FCHO2: variants seen among roughly 807,000 people sequenced by gnomAD.
The protein encoded by FCHO2 is F-BAR domain only protein 2.
FCHO2 carries 43 observed loss-of-function variants against 114.1 expected under a neutral mutation model. The ratio of observed to expected loss-of-function variants is 0.38; its 90% confidence interval spans 0.30 to 0.49. FCHO2 has a LOEUF of 0.49. Ranked by LOEUF, FCHO2 falls within the 20% of genes least tolerant of loss-of-function variation. The pLI is 0.97. For synonymous variants in FCHO2, 293 were observed against 315.2 expected, an observed-to-expected ratio of 0.93 and a Z score of 0.75; for missense variants, 807 against 950.4, an observed-to-expected ratio of 0.85 and a Z score of 1.98.
chr5:72,956,227 C>G (rs1298041411), intron 1 of FCHO2, 98 bp downstream of exon 1: 2 of 1,470,224 alleles, frequency 1.4e-6, no homozygotes, highest in Admixed American at 2.2e-5. Flanking sequence ...GGCGGCCCCT[C>G]CGGCAGGGCG....
intron 9 of FCHO2, among the ~76,000 whole-genome samples, chr5:73,035,627 A>G (rs1210399381): frequency 1.3e-5 from 2 of 152,022 alleles, no homozygotes; most frequent in South Asian, 2.1e-4. Context: ...CTCAGCCCCA[A>G]AATTAGCTGG....
At position 73,039,660 on chromosome 5, in the gene FCHO2, G is replaced by T. The variant is rs80226522; in HGVS notation, c.915-1631G>T. Among the ~76,000 whole-genome samples the T allele has an allele frequency of 2.8e-4, 42 of 151,466 alleles. No homozygotes were observed. In the East Asian group the frequency reaches 4.8e-3, roughly 17 times the overall value. On this transcript the variant is annotated intron_variant, in intron 10 of 25. Coordinates refer to ENST00000430046, the MANE Select transcript of FCHO2 (RefSeq NM_138782.3). Reference sequence around the variant, plus strand: ...GTCACCTGGGGGGCCAGGCCCGGTGGCTCATGCCTGTAAACCCAGCATTTT... The same window carrying T: ...GTCACCTGGGGGGCCAGGCCCGGTGTCTCATGCCTGTAAACCCAGCATTTT...
chr5:73,047,490 A>G (rs1236028944), intron 11 of FCHO2, among the ~76,000 whole-genome samples: 37 of 151,608 alleles, frequency 2.4e-4, no homozygotes, highest in Non-Finnish European at 2.9e-5. Flanking sequence ...TATGTTCTTT[A>G]CTACTTGGCT....
In FCHO2 at chr5:73,090,260, G is replaced by A. The variant is rs547669039; in HGVS notation, c.*2170G>A. 2.8e-4 allele frequency: 42 copies of A among 152,532 alleles called. No individual in the cohort carries two copies. The highest frequency in any genetic ancestry group is 1.0e-3 in the African/African-American group (42 of 41,524). 9.4% of individuals were successfully genotyped at this position (152,532 alleles called of 1,614,324 possible). A position where few individuals can be genotyped will look rare whatever the true frequency, so the allele number is the denominator to read the frequency against. On this transcript the variant is annotated 3_prime_UTR_variant, in exon 26 of 26. Coordinates refer to ENST00000430046, the MANE Select transcript of FCHO2 (RefSeq NM_138782.3). Reference sequence around the variant, plus strand: ...ACTAATGGTGTAAAAGAGACCAGTAGATTTTCAATGGGAAATGTACCTAGC... The same window carrying A: ...ACTAATGGTGTAAAAGAGACCAGTAAATTTTCAATGGGAAATGTACCTAGC...
At chr5:72,996,792 T>C in intron 5 of FCHO2, 1 of 652,740 alleles carries the variant, frequency 1.5e-6, no homozygotes, top group Non-Finnish European at 2.6e-6. Context: ...CATACCCCTC[T>C]CTGCAGCCTC....
rs183702621 is a variant in FCHO2 at position 73,076,154 on chromosome 5, C to T, written c.1692-1184C>T. On this transcript the variant is annotated intron_variant, in intron 20 of 25. Coordinates refer to ENST00000430046, the MANE Select transcript of FCHO2 (RefSeq NM_138782.3). Reference sequence around the variant, plus strand: ...AAGTGAATAAATCATTTCTTGAAGGCAGGTGTGAACCTGTATCTGATGCTG... The same window carrying T: ...AAGTGAATAAATCATTTCTTGAAGGTAGGTGTGAACCTGTATCTGATGCTG... Among the ~76,000 whole-genome samples, 3 of 152,192 alleles carry T rather than the reference C, an allele frequency of 2.0e-5. No individual in the cohort carries two copies. In the East Asian group the frequency reaches 5.8e-4, roughly 30 times the overall value.
At chr5:72,994,564 C>A (rs545167773) in intron 5 of FCHO2, among the ~76,000 whole-genome samples, 5 of 152,144 alleles carry the variant, frequency 3.3e-5, no homozygotes, top group Non-Finnish European at 5.9e-5. Flanking sequence ...TTGTGGAAAG[C>A]AGTGTGTGGC....
intron 5 of FCHO2, chr5:72,997,401 A>G (rs565166661): frequency 6.2e-7 from 1 of 1,600,234 alleles, no homozygotes; most frequent in East Asian, 2.2e-5. Context: ...TGCACTTTGG[A>G]GTTGGGCAGC....
intron 2 of FCHO2, among the ~76,000 whole-genome samples, chr5:72,987,530 G>A (rs904777834): frequency 6.6e-6 from 1 of 151,854 alleles, no homozygotes; most frequent in Admixed American, 6.6e-5. Flanking sequence ...TACAGACGGG[G>A]TTTCACCATG....
At chr5:72,983,324 T>C (rs1289892517) in intron 2 of FCHO2, among the ~76,000 whole-genome samples, 1 of 152,170 alleles carries the variant, frequency 6.6e-6, no homozygotes, top group African/African-American at 2.4e-5. Context: ...GTCATCTACA[T>C]ATCTACATTA....
intron 8 of FCHO2, chr5:73,020,953 C>T (rs749360294): frequency 7.5e-5 from 119 of 1,595,350 alleles, no homozygotes; most frequent in Middle Eastern, 2.1e-4. Context: ...TTTGTTGCTT[C>T]GGCTGTTGAG....
intron 5 of FCHO2, chr5:72,997,142 GAT>G: frequency 1.8e-6 from 2 of 1,123,072 alleles, no homozygotes; most frequent in Non-Finnish European, 2.7e-6. Flanking sequence ...CTCCCACCAT[GAT>G]GGGGTCCTGA....
intron 2 of FCHO2, among the ~76,000 whole-genome samples, chr5:72,975,624 C>T (rs2112625310): frequency 6.6e-6 from 1 of 152,260 alleles, no homozygotes; most frequent in South Asian, 2.1e-4. Context: ...TGTGCCTCAG[C>T]CTCTTGAGTA....
At chr5:73,029,244 G>A (rs1756103050) in intron 8 of FCHO2, among the ~76,000 whole-genome samples, 1 of 152,160 alleles carries the variant, frequency 6.6e-6, no homozygotes, top group Non-Finnish European at 1.5e-5. Context: ...GGATATGGTT[G>A]CAACTAACAT....
At chr5:73,024,457 G>A (rs1185612293) in intron 8 of FCHO2, among the ~76,000 whole-genome samples, 1 of 147,324 alleles carries the variant, frequency 6.8e-6, no homozygotes, top group African/African-American at 2.5e-5. Flanking sequence ...TATTTTTTTT[G>A]GAGTCGGAGT....
At chr5:73,001,225 C>A (rs944487716) in intron 5 of FCHO2, among the ~76,000 whole-genome samples, 2 of 151,882 alleles carry the variant, frequency 1.3e-5, no homozygotes, top group Admixed American at 6.6e-5. Context: ...AGGGAGACCC[C>A]ATCTCTACAA....
At position 72,956,076 on chromosome 5, in the gene FCHO2, AC is replaced by A. The variant is rs1435649003; in HGVS notation, c.-18del. The A allele has an allele frequency of 1.9e-6, 3 of 1,539,308 alleles. No individual in the cohort carries two copies. Among genetic ancestry groups the A allele is most frequent in the Non-Finnish European group, 1.8e-6 (2 of 1,142,054 alleles). ...AGCGGCGGGCGGGCGCGGACGCGGA[AC>A]CCGGCGCGGCGGCGGCACGATGGTC... is the stretch of plus-strand genomic sequence containing the variant. On this transcript the variant is annotated 5_prime_UTR_variant, in exon 1 of 26. Coordinates refer to ENST00000430046, the MANE Select transcript of FCHO2 (RefSeq NM_138782.3).
chr5:72,957,285 A>G (rs1028691112), intron 1 of FCHO2, among the ~76,000 whole-genome samples: 5 of 152,144 alleles, frequency 3.3e-5, no homozygotes, highest in Admixed American at 6.5e-5. Flanking sequence ...AGGTTTTTTC[A>G]TATGTTCATA....
chr5:73,017,622 A>G (rs1489598521), intron 8 of FCHO2, among the ~76,000 whole-genome samples: 1 of 152,162 alleles, frequency 6.6e-6, no homozygotes, highest in Non-Finnish European at 1.5e-5. Flanking sequence ...AATCTGTCAC[A>G]GTTTTAGATT....
Sources: gnomAD v4.1 joint callset for allele counts (sites outside exome capture counted in the v4.1 genomes callset) on GRCh38, gnomAD v4.1.1 for gene constraint, MANE v1.5 for transcripts, NCBI Gene and HGNC (gene_info 2026-07-23, HGNC 2026-07-21) for gene names.